Variants in MEI4 observed in about 807,000 individuals in gnomAD.
The protein encoded by MEI4 is meiosis-specific protein MEI4.
In MEI4, 27 loss-of-function variants were observed where a neutral mutation model predicts 31.4. The ratio of observed to expected loss-of-function variants is 0.86; its 90% CI spans 0.63 to 1.19. MEI4 has a LOEUF of 1.19. Ranked by LOEUF, MEI4 falls within the 50% of genes most tolerant of loss-of-function variation. The pLI is 0.00. For missense variants in MEI4, 329 were observed against 398.9 expected (o/e 0.82, Z 1.49); for synonymous variants, 122 against 145.4 (o/e 0.84, Z 1.16).
intron 2 of MEI4, among the ~76,000 whole-genome samples, chr6:77,700,684 G>A (rs757009121): frequency 7.2e-5 from 11 of 152,162 alleles, no homozygotes; most frequent in Admixed American, 2.6e-4. Context: ...ATTCTGTGTC[G>A]CTCACGCTGG....
intron 2 of MEI4, among the ~76,000 whole-genome samples, chr6:77,723,296 ATTG>A (rs1312658792): frequency 1.4e-5 from 2 of 138,022 alleles, no homozygotes; most frequent in African/African-American, 2.7e-5. Context: ...GCGGGGGACA[ATTG>A]TTGTATTGTG....
At position 77,807,362 on chromosome 6, in the gene MEI4, C is replaced by A. The variant is rs540413854; in HGVS notation, c.769-21569C>A. On this transcript the variant is annotated intron_variant, in intron 3 of 4. Coordinates refer to ENST00000684080, the MANE Select transcript of MEI4 (RefSeq NM_001322247.2). ...GACTTCATGTCATTTTAGTCAAAAT[C>A]ATATGTTTGTTTGTTTTACCAGTGG... Among the ~76,000 whole-genome samples, 2 of 152,146 alleles carry A rather than the reference C, an allele frequency of 1.3e-5. 1 individual carries two copies. Among genetic ancestry groups the A allele is most frequent in the South Asian group, 4.2e-4 (2 of 4,818 alleles).
intron 4 of MEI4, among the ~76,000 whole-genome samples, chr6:77,850,046 AT>A (rs1770578610): frequency 6.6e-6 from 1 of 152,196 alleles, no homozygotes; most frequent in Admixed American, 6.5e-5. Flanking sequence ...GAGGATAACT[AT>A]ATTGTATATT....
chr6:77,696,814 T>G (rs922462956), intron 2 of MEI4, among the ~76,000 whole-genome samples: 3 of 152,142 alleles, frequency 2.0e-5, no homozygotes, highest in African/African-American at 7.2e-5. Flanking sequence ...CTTTTTCTAT[T>G]GATTGGAATA....
chr6:77,673,479 G>C (rs529254888), intron 1 of MEI4, among the ~76,000 whole-genome samples: 27 of 152,092 alleles, frequency 1.8e-4, no homozygotes, highest in African/African-American at 6.5e-4. Context: ...TCAGCCTGCA[G>C]GCCCTCTCTT....
chr6:77,735,050 C>T (rs1207962385), intron 2 of MEI4, among the ~76,000 whole-genome samples: 1 of 152,076 alleles, frequency 6.6e-6, no homozygotes, highest in African/African-American at 2.4e-5. Context: ...GTACCTTTCT[C>T]TCTGGCTGCC....
chr6:77,706,546 T>A (rs1349245372), intron 2 of MEI4, among the ~76,000 whole-genome samples: 1 of 152,200 alleles, frequency 6.6e-6, no homozygotes, highest in Non-Finnish European at 1.5e-5. Context: ...ATCTGTTATC[T>A]TTTTCTCCTG....
intron 4 of MEI4, among the ~76,000 whole-genome samples, chr6:77,921,989 G>A (rs1292524945): frequency 2.0e-5 from 3 of 151,696 alleles, no homozygotes; most frequent in Non-Finnish European, 4.4e-5. Flanking sequence ...GTGAGCACAT[G>A]TTGGAAAAAT....
chr6:77,801,748 G>A (rs557182291), intron 3 of MEI4, among the ~76,000 whole-genome samples: 1 of 152,164 alleles, frequency 6.6e-6, no homozygotes, highest in Non-Finnish European at 1.5e-5. Context: ...TAGTTATTCA[G>A]GAGCAGGTTG....
rs532728986 is a variant in MEI4, at chr6:77,663,849, GAGTC to G, written c.-15+10764_-15+10767del. 9.1e-3 allele frequency among the ~76,000 whole-genome samples: 1,390 copies of G among 152,108 alleles called. 21 individuals are homozygous for G. Among genetic ancestry groups the G allele is most frequent in the African/African-American group, 0.031 (1,294 of 41,396 alleles). ...CGCTAAGCCGAGAAGATCTGGGAAG[GAGTC>G]AGTCAGAGAGCCTTGGGCCAGAGTT... On this transcript the variant is annotated intron_variant, in intron 1 of 4. Coordinates refer to ENST00000684080, the MANE Select transcript of MEI4 (RefSeq NM_001322247.2).
intron 3 of MEI4, among the ~76,000 whole-genome samples, chr6:77,796,222 T>G (rs1430909904): frequency 1.3e-5 from 2 of 152,182 alleles, no homozygotes; most frequent in African/African-American, 4.8e-5. Flanking sequence ...AGGAATGCAC[T>G]TCAACATTAT....
intron 2 of MEI4, among the ~76,000 whole-genome samples, chr6:77,734,405 G>A (rs201759903): frequency 2.0e-5 from 3 of 151,932 alleles, no homozygotes; most frequent in Admixed American, 6.6e-5. Context: ...CCTTCTTTGT[G>A]TCTTTTGATC....
chr6:77,776,363 A>G (rs1257652086), intron 3 of MEI4, among the ~76,000 whole-genome samples: 7 of 152,062 alleles, frequency 4.6e-5, no homozygotes, highest in Non-Finnish European at 1.0e-4. Context: ...CTTCTTCCAA[A>G]TAGGCCATGC....
At chr6:77,888,217 G>T (rs1382144278) in intron 4 of MEI4, among the ~76,000 whole-genome samples, 1 of 152,002 alleles carries the variant, frequency 6.6e-6, no homozygotes, top group Non-Finnish European at 1.5e-5. Context: ...AATTCAGCCA[G>T]GCTATATCTC....
intron 1 of MEI4, among the ~76,000 whole-genome samples, chr6:77,686,594 G>T (rs1769058494): frequency 6.6e-6 from 1 of 151,908 alleles, no homozygotes; most frequent in East Asian, 1.9e-4. Context: ...ATTTTTAGTT[G>T]AGTTATATGA....
chr6:77,923,460 T>G lies in MEI4; in HGVS notation c.*114T>G. Reference sequence around the variant, plus strand: ...TAATTAGCATTTTAGAATTGATCTCTAAATATAATTATCAATTCAACTTAA... The same window carrying G: ...TAATTAGCATTTTAGAATTGATCTCGAAATATAATTATCAATTCAACTTAA... On this transcript the variant is annotated 3_prime_UTR_variant, in exon 5 of 5. Transcript: ENST00000684080. 2.6e-5 allele frequency: 21 copies of G among 800,040 alleles called. No individual in the cohort carries two copies. The highest frequency in any genetic ancestry group is 1.3e-4 in the South Asian group (2 of 14,952). 49.6% of individuals were successfully genotyped at this position (800,040 alleles called of 1,614,324 possible).
chr6:77,829,102 T>C, intron 4 of MEI4, 40 bp downstream of exon 4: 1 of 1,201,724 alleles, frequency 8.3e-7, no homozygotes, highest in East Asian at 3.2e-5. Flanking sequence ...TATATAGTTA[T>C]TGTAACTATA....
Position 77,923,268 on chromosome 6 carries a change from A to G in MEI4, c.1080A>G (p.Ala360=). The G allele has an allele frequency of 1.6e-6, 2 of 1,230,346 alleles. No homozygotes were observed. Among genetic ancestry groups the G allele is most frequent in the Non-Finnish European group, 2.0e-6 (2 of 986,744 alleles). 76.2% of individuals were successfully genotyped at this position (1,230,346 alleles called of 1,614,324 possible). ...AAACTATTTTCCAACTTTCTGATGC[A>G]TTTCCTTTGTTTACTTTTTATTTAT... ...HDETIFQLSD[A]FPLFTFYLWR... Residue 360 remains alanine (A), a synonymous_variant, in exon 5 of 5, where the codon GCA becomes GCG. Coordinates refer to ENST00000684080, the MANE Select transcript of MEI4 (RefSeq NM_001322247.2).
chr6:77,663,498 G>GCAGATAATT (rs1768554736), intron 1 of MEI4, among the ~76,000 whole-genome samples: 1 of 152,172 alleles, frequency 6.6e-6, no homozygotes, highest in Non-Finnish European at 1.5e-5. Flanking sequence ...AGTCAGGGAA[G>GCAGATAATT]CAGATAATTT....
Sources: gnomAD v4.1 joint callset for allele counts (sites outside exome capture counted in the v4.1 genomes callset) on GRCh38, gnomAD v4.1.1 for gene constraint, MANE v1.5 for transcripts, NCBI Gene and HGNC (gene_info 2026-07-23, HGNC 2026-07-21) for gene names.